The following RELN variants were observed in gnomAD, a reference collection of about 807,000 sequenced individuals.
RELN encodes reelin.
Under a neutral mutation model 427.6 loss-of-function variants are expected in RELN, and 108 were observed. The ratio of observed to expected loss-of-function variants is 0.25; its 90% CI spans 0.22 to 0.30. The LOEUF is 0.30. RELN is among the 10% of genes least tolerant of loss of function. The pLI, the probability that RELN is intolerant of heterozygous loss-of-function variation, is 1.00. For synonymous variants in RELN, 1,524 were observed against 1,513.4 expected, an observed-to-expected ratio of 1.01 and a Z score of -0.16; for missense variants, 3,715 against 4,302.8, an observed-to-expected ratio of 0.86 and a Z score of 3.82.
chr7:103,543,177 G>A (rs1029276147), intron 42 of RELN, among the ~76,000 whole-genome samples: 3 of 152,156 alleles, frequency 2.0e-5, no homozygotes, highest in Non-Finnish European at 4.4e-5. Context: ...AAAGGACACT[G>A]GTTAGTCAGA....
At chr7:103,511,441 TA>T (rs1293687685) in intron 50 of RELN, among the ~76,000 whole-genome samples, 7 of 152,338 alleles carry the variant, frequency 4.6e-5, no homozygotes, top group Non-Finnish European at 8.8e-5. Flanking sequence ...CATTTTATTT[TA>T]TTTTTTTTAA....
chr7:103,784,384 G>A (rs908494659), intron 3 of RELN, among the ~76,000 whole-genome samples: 1 of 152,154 alleles, frequency 6.6e-6, no homozygotes, highest in Non-Finnish European at 1.5e-5. Context: ...TCAGTAAGAG[G>A]TGAAATCCTC....
chr7:103,757,271 C>T (rs1034255936), intron 4 of RELN, among the ~76,000 whole-genome samples: 3 of 152,136 alleles, frequency 2.0e-5, no homozygotes, highest in Non-Finnish European at 2.9e-5. Context: ...TGTCAACTGT[C>T]CAAGTGCTTA....
Position 103,604,250 on chromosome 7 carries a change from G to C in RELN, c.3146+96C>G, listed in dbSNP as rs143175156. ...TCTTTTGGCTATGTCATTATTTATC[G>C]GTCTATCCATGTCACTCTGATGACA... On this transcript the variant is annotated intron_variant, in intron 23 of 64. Transcript: ENST00000428762. 5.0e-6 allele frequency: 7 copies of C among 1,403,550 alleles called. No homozygotes were observed. The East Asian group carries it at 6.9e-5, about 14-fold the overall frequency. 86.9% of individuals were successfully genotyped at this position (1,403,550 alleles called of 1,614,324 possible).
At chr7:103,645,805 T>G (rs779291610) in intron 16 of RELN, among the ~76,000 whole-genome samples, 1 of 151,866 alleles carries the variant, frequency 6.6e-6, no homozygotes, top group Non-Finnish European at 1.5e-5. Flanking sequence ...TTACAGAATA[T>G]TCTACCAAAC....
intron 28 of RELN, among the ~76,000 whole-genome samples, chr7:103,588,718 T>C (rs1056057488): frequency 6.6e-6 from 1 of 152,146 alleles, no homozygotes; most frequent in Non-Finnish European, 1.5e-5. Flanking sequence ...CTACAAACAT[T>C]GTAGACCACA....
Position 103,565,502 on chromosome 7 carries a change from G to C in RELN, c.4986C>G (p.Thr1662=), listed in dbSNP as rs78221963. The C allele has an allele frequency of 7.6e-4, 1,225 of 1,613,686 alleles. 11 individuals are homozygous for C. The African/African-American group carries it at 0.015, about 20-fold the overall frequency. Residue 1662 remains threonine, a synonymous_variant, in exon 34 of 65, where the codon ACC becomes ACG. Coordinates refer to ENST00000428762, the MANE Select transcript of RELN (RefSeq NM_005045.4). ...CCATGCTCATTTCAAACTGCAAAAA[G>C]GTAGATGCTGACACATGAAAATCCC... is the stretch of plus-strand genomic sequence containing the variant. ...ETWDFHVSAS[T]FLQFEMSMGC...
chr7:103,812,499 GACTCTAAAGATAAGAACCTCATGC>G (rs1437702631), intron 3 of RELN, among the ~76,000 whole-genome samples: 1 of 152,194 alleles, frequency 6.6e-6, no homozygotes. Context: ...TGAAAGTGGT[GACTCTAAAGATAAGAACCTCATGC>G]ACTTGTTCAG....
chr7:103,904,915 T>C (rs547017760), intron 2 of RELN, among the ~76,000 whole-genome samples: 1 of 150,350 alleles, frequency 6.7e-6, no homozygotes, highest in South Asian at 2.1e-4. Flanking sequence ...TAATGTAACA[T>C]TAAGACACCA....
At chr7:103,773,616 C>T (rs565511158) in intron 4 of RELN, among the ~76,000 whole-genome samples, 4 of 151,864 alleles carry the variant, frequency 2.6e-5, no homozygotes, top group East Asian at 2.0e-4. Flanking sequence ...ATTACAAGCC[C>T]GCACCACCAC....
At chr7:103,879,692 T>C (rs1459086625) in intron 2 of RELN, among the ~76,000 whole-genome samples, 1 of 152,198 alleles carries the variant, frequency 6.6e-6, no homozygotes, top group African/African-American at 2.4e-5. Context: ...TTCATCATTT[T>C]GCAGTTTCTC....
At chr7:103,608,263 CT>C (rs755827638) in intron 22 of RELN, among the ~76,000 whole-genome samples, 29 of 152,012 alleles carry the variant, frequency 1.9e-4, no homozygotes, top group African/African-American at 7.0e-4. Flanking sequence ...TATGGCAGAG[CT>C]TTTAAGCATT....
intron 2 of RELN, among the ~76,000 whole-genome samples, chr7:103,864,825 A>C (rs2116505453): frequency 6.6e-6 from 1 of 152,250 alleles, no homozygotes; most frequent in Admixed American, 6.5e-5. Flanking sequence ...GAAAAAGAGA[A>C]GGTTAAAAAA....
At chr7:103,802,683 T>C (rs947076735) in intron 3 of RELN, among the ~76,000 whole-genome samples, 3 of 152,080 alleles carry the variant, frequency 2.0e-5, no homozygotes, top group East Asian at 1.9e-4. Flanking sequence ...ACCAATAAAA[T>C]TGCAAGTCTC....
At chr7:103,974,388 C>T (rs1584413298) in intron 1 of RELN, among the ~76,000 whole-genome samples, 1 of 152,290 alleles carries the variant, frequency 6.6e-6, no homozygotes, top group East Asian at 1.9e-4. Flanking sequence ...AGCCTGTGGG[C>T]TATCCACTAC....
At chr7:103,789,846 G>A (rs143909175) in intron 3 of RELN, among the ~76,000 whole-genome samples, 33,860 of 152,074 alleles carry the variant, frequency 0.22, 4,106 homozygotes, top group Middle Eastern at 0.31. Context: ...TATACCCAAA[G>A]AATTATAAAT....
chr7:103,566,377 G>T lies in RELN; in HGVS notation c.4783C>A (p.Leu1595Ile), dbSNP rs1208269954. 1 of 1,614,064 alleles carries T rather than the reference G, an allele frequency of 6.2e-7. No individual in the cohort carries two copies. The highest frequency in any genetic ancestry group is 8.5e-7 in the Non-Finnish European group (1 of 1,179,998). ...TGAGAGCTGTCATTCATTCCTATAAGAACATCATCCAAAGCCCACTGGGCT... is the reference window on the plus strand; with the variant it reads ...TGAGAGCTGTCATTCATTCCTATAATAACATCATCCAAAGCCCACTGGGCT... ...HSAQWALDDV[L>I]IGMNDSSQTG... Residue 1595 changes from leucine to isoleucine, a missense_variant, in exon 33 of 65, where the codon CTT becomes ATT. Around this residue, in one of 4 missense-constraint regions of RELN, gnomAD observed 2,208 missense variants for 2,361.7 expected, o/e 0.93. Transcript: ENST00000428762.
At chr7:103,904,893 A>G (rs1433970657) in intron 2 of RELN, among the ~76,000 whole-genome samples, 1 of 151,966 alleles carries the variant, frequency 6.6e-6, no homozygotes, top group African/African-American at 2.4e-5. Flanking sequence ...AAGAGATGAA[A>G]TAAGAACCTA....
intron 6 of RELN, among the ~76,000 whole-genome samples, chr7:103,744,366 G>A (rs1367500323): frequency 6.6e-6 from 1 of 151,880 alleles, no homozygotes; most frequent in Admixed American, 6.6e-5. Flanking sequence ...AGAAAAGCAA[G>A]AGCAAACACA....
Sources: gnomAD v4.1 joint callset for allele counts (sites outside exome capture counted in the v4.1 genomes callset) on GRCh38, gnomAD v4.1.1 for gene constraint, gnomAD v4.1.1 regional missense constraint, MANE v1.5 for transcripts, NCBI Gene and HGNC (gene_info 2026-07-23, HGNC 2026-07-21) for gene names.